The following TGS1 variants were observed in gnomAD, a reference collection of about 807,000 sequenced individuals.
The protein encoded by TGS1 is trimethylguanosine synthase.
A neutral mutation model predicts 92.2 loss-of-function variants in TGS1; 69 were observed. The observed-to-expected ratio is 0.75, with a 90% CI of 0.62 to 0.91. The LOEUF is 0.91. Ranked by LOEUF, TGS1 falls within the 40% of genes least tolerant of loss-of-function variation. The probability of loss-of-function intolerance (pLI) is 0.00; values close to 1 mark genes in which losing one functional copy is unlikely to be tolerated. For missense variants in TGS1, 1,062 were observed against 1,001.2 expected, an observed-to-expected ratio of 1.06 and a Z score of -0.82; for synonymous variants, 345 against 338.1, an observed-to-expected ratio of 1.02 and a Z score of -0.22.
intron 4 of TGS1, among the ~76,000 whole-genome samples, chr8:55,789,022 A>C (rs547408798): frequency 6.6e-6 from 1 of 152,108 alleles, no homozygotes; most frequent in Non-Finnish European, 1.5e-5. Context: ...CATTTCTGTA[A>C]TAACTCCAGT....
At chr8:55,795,947 G>A (rs1812031220) in intron 6 of TGS1, 31 bp from the exon 7 acceptor site, 2 of 1,545,398 alleles carry the variant, frequency 1.3e-6, no homozygotes, top group African/African-American at 1.4e-5. Flanking sequence ...TAGAATTTAA[G>A]TTGTGAATAA....
At chr8:55,783,038 C>G (rs1017622880) in intron 2 of TGS1, among the ~76,000 whole-genome samples, 1 of 152,102 alleles carries the variant, frequency 6.6e-6, no homozygotes, top group African/African-American at 2.4e-5. Flanking sequence ...CTTAATGTAG[C>G]CTCTTTTGCT....
At position 55,795,530 on chromosome 8, in the gene TGS1, T is replaced by C. The variant is rs150573885; in HGVS notation, c.1368-448T>C. On this transcript the variant is annotated intron_variant, in intron 6 of 12. Coordinates refer to ENST00000260129, the MANE Select transcript of TGS1 (RefSeq NM_024831.8). ...ATCAGGCATTCTCTAATTATTTTGA[T>C]ACGAAGGGTTCGCTTCTTTTGTAAG... 5.8e-4 allele frequency among the ~76,000 whole-genome samples: 88 copies of C among 152,352 alleles called. 1 individual carries two copies. In the East Asian group the frequency reaches 0.012, roughly 20 times the overall value.
intron 9 of TGS1, among the ~76,000 whole-genome samples, chr8:55,803,441 G>C (rs1812277615): frequency 6.6e-6 from 1 of 152,142 alleles, no homozygotes; most frequent in African/African-American, 2.4e-5. Context: ...CTTGATCTAT[G>C]ATGGAATTTC....
In TGS1 at chr8:55,790,193, T is replaced by A; in HGVS notation, c.1174T>A (p.Ser392Thr). The A allele has an allele frequency of 6.2e-7, 1 of 1,613,418 alleles. No homozygotes were observed. Among genetic ancestry groups the A allele is most frequent in the Non-Finnish European group, 8.5e-7 (1 of 1,179,614 alleles). ...TDPPAEDSQK[S>T]SGANTSKDRP... is the part of the protein sequence containing the mutation. Reference sequence around the variant, plus strand: ...TTCTGCCTCTTTAGATTCACAGAAGTCTTCAGGAGCAAACACAAGCAAAGA... The same window carrying A: ...TTCTGCCTCTTTAGATTCACAGAAGACTTCAGGAGCAAACACAAGCAAAGA... Residue 392 changes from serine (S) to threonine (T), a missense_variant, in exon 5 of 13, where the codon TCT becomes ACT. Ser to Thr is a moderately conservative substitution (Grantham distance 58, BLOSUM62 1). Transcript: ENST00000260129.
chr8:55,821,918 T>A (rs2130262127), intron 12 of TGS1, among the ~76,000 whole-genome samples: 1 of 151,808 alleles, frequency 6.6e-6, no homozygotes, highest in African/African-American at 2.4e-5. Context: ...TACCTTTATT[T>A]TTTTTTTCAA....
chr8:55,807,635 C>T (rs370138680), intron 10 of TGS1, among the ~76,000 whole-genome samples: 1 of 152,030 alleles, frequency 6.6e-6, no homozygotes, highest in East Asian at 1.9e-4. Flanking sequence ...TCAAGTGATC[C>T]TCCCATCTCA....
At chr8:55,798,804 G>A in intron 7 of TGS1, 110 bp from the exon 8 acceptor site, 1 of 845,882 alleles carries the variant, frequency 1.2e-6, no homozygotes, top group Non-Finnish European at 1.8e-6. Flanking sequence ...GCTTTTCAGA[G>A]CCAATAATTT....
At chr8:55,775,805 G>C (rs548497471) in intron 1 of TGS1, among the ~76,000 whole-genome samples, 2 of 152,134 alleles carry the variant, frequency 1.3e-5, no homozygotes, top group Admixed American at 6.5e-5. Context: ...TGAAGGGTGG[G>C]GGAGGGGGAC....
At chr8:55,812,060 C>G (rs1803354859) in intron 11 of TGS1, among the ~76,000 whole-genome samples, 1 of 152,162 alleles carries the variant, frequency 6.6e-6, no homozygotes, top group Non-Finnish European at 1.5e-5. Flanking sequence ...CACACTGATG[C>G]TGGCTAATTT....
In TGS1 at chr8:55,786,458, C is replaced by T. The variant is rs769149695; in HGVS notation, c.560C>T (p.Thr187Ile). Residue 187 changes from threonine to isoleucine, a missense_variant, in exon 4 of 13, where the codon ACA becomes ATA. By Grantham distance (89) the Thr-to-Ile change is moderately conservative. Coordinates refer to ENST00000260129, the MANE Select transcript of TGS1 (RefSeq NM_024831.8). The stretch of plus-strand genomic sequence containing the variant: ...ACAGAAAATCCTCCAGTTGAAAACA[C>T]ATTATCTCCAAAGCTAGAAATTACA... ...TETENPPVEN[T>I]LSPKLEITEK... The T allele has an allele frequency of 6.2e-7, 1 of 1,613,918 alleles. No homozygotes were observed. Among genetic ancestry groups the T allele is most frequent in the Non-Finnish European group, 8.5e-7 (1 of 1,179,936 alleles).
rs747255218 is a variant in TGS1, at chr8:55,799,156, T to C, written c.1785T>C (p.Thr595=). The C allele has an allele frequency of 6.2e-7, 1 of 1,614,188 alleles. No homozygotes were observed. Among genetic ancestry groups the C allele is most frequent in the Admixed American group, 1.7e-5 (1 of 60,024 alleles). ...ATGAAAGAGACAGCTTGCTAGCAACTGTTCCAGATGAGCAGGATTGTGTTA... is the reference window on the plus strand; with the variant it reads ...ATGAAAGAGACAGCTTGCTAGCAACCGTTCCAGATGAGCAGGATTGTGTTA... ...ENYERDSLLA[T]VPDEQDCVTQ... Residue 595 remains threonine (T), a synonymous_variant, in exon 8 of 13, where the codon ACT becomes ACC. Coordinates refer to ENST00000260129, the MANE Select transcript of TGS1 (RefSeq NM_024831.8).
Position 55,782,861 on chromosome 8 carries a change from A to G in TGS1, c.166+49A>G, listed in dbSNP as rs750742304. The G allele has an allele frequency of 2.1e-5, 25 of 1,217,436 alleles. No homozygotes were observed. In the Admixed American group the frequency reaches 3.3e-4, roughly 16 times the overall value. 75.4% of individuals were successfully genotyped at this position (1,217,436 alleles called of 1,614,324 possible). A position where few individuals can be genotyped will look rare whatever the true frequency, so the allele number is the denominator to read the frequency against. On this transcript the variant is annotated intron_variant, in intron 2 of 12. Coordinates refer to ENST00000260129, the MANE Select transcript of TGS1 (RefSeq NM_024831.8). ...AACCTTTTTTGCTGAAATTAGCCAT[A>G]ATGTGTTAATTTATGTATAATTTGT...
At chr8:55,824,115 C>CA (rs1412480444) in intron 12 of TGS1, among the ~76,000 whole-genome samples, 2 of 151,874 alleles carry the variant, frequency 1.3e-5, no homozygotes, top group Non-Finnish European at 1.5e-5. Flanking sequence ...GACTCTATCT[C>CA]AAAAAACAAA....
At chr8:55,811,295 T>C (rs1803334154) in intron 11 of TGS1, among the ~76,000 whole-genome samples, 198 bp downstream of exon 11, 1 of 151,778 alleles carries the variant, frequency 6.6e-6, no homozygotes, top group Non-Finnish European at 1.5e-5. Flanking sequence ...AAACCCCGTC[T>C]CTACTAAAAG....
intron 12 of TGS1, among the ~76,000 whole-genome samples, chr8:55,814,674 A>AAATAT (rs1254531524): frequency 2.5e-3 from 304 of 123,300 alleles, no homozygotes; most frequent in African/African-American, 9.5e-3. Flanking sequence ...AAAAAAAAAA[A>AAATAT]ATATATATAT....
intron 8 of TGS1, among the ~76,000 whole-genome samples, chr8:55,801,111 G>A (rs1405064109): frequency 6.6e-6 from 1 of 152,220 alleles, no homozygotes; most frequent in Non-Finnish European, 1.5e-5. Flanking sequence ...GCCTAATCTA[G>A]TCCTTGATAG....
At chr8:55,796,523 T>A (rs78010305) in intron 7 of TGS1, among the ~76,000 whole-genome samples, 5,331 of 151,310 alleles carry the variant, frequency 0.035, 317 homozygotes, top group East Asian at 0.2. Flanking sequence ...ACCCTGTCTC[T>A]ACTAAAAATA....
intron 8 of TGS1, among the ~76,000 whole-genome samples, chr8:55,800,146 AT>A (rs951058143): frequency 4.0e-5 from 6 of 148,996 alleles, no homozygotes; most frequent in African/African-American, 1.2e-4. Flanking sequence ...TTGAGTCTTG[AT>A]TTTTTTTTTC....
Sources: gnomAD v4.1 joint callset for allele counts (sites outside exome capture counted in the v4.1 genomes callset) on GRCh38, gnomAD v4.1.1 for gene constraint, MANE v1.5 for transcripts, NCBI Gene and HGNC (gene_info 2026-07-23, HGNC 2026-07-21) for gene names.